CPNE5: variants seen among roughly 807,000 people sequenced by gnomAD.
The protein encoded by CPNE5 is copine 5, also known as copine-5.
In CPNE5, 42 loss-of-function variants were observed where a neutral mutation model predicts 81.1. The observed-to-expected ratio is 0.52, with a 90% CI of 0.40 to 0.67. The LOEUF is 0.67. CPNE5 is among the 30% of genes least tolerant of loss of function. The pLI is 0.00. For synonymous variants in CPNE5, 313 were observed against 321.5 expected, an observed-to-expected ratio of 0.97 and a Z score of 0.28; for missense variants, 612 against 815.5, an observed-to-expected ratio of 0.75 and a Z score of 3.04.
Position 36,756,285 on chromosome 6 carries a change from T to C in CPNE5, c.869A>G (p.Lys290Arg). 6.2e-7 allele frequency: 1 copy of C among 1,613,994 alleles called. No homozygotes were observed. Among genetic ancestry groups the C allele is most frequent in the Non-Finnish European group, 8.5e-7 (1 of 1,179,964 alleles). ...QFNIYEVVNP[K>R]KKMKKKKYVN... The stretch of plus-strand genomic sequence containing the variant: ...GTATTTCTTTTTCTTCATTTTCTTT[T>C]TCGGGTTTACCACCTGCAGGAAAAA... The change falls in exon 13 of 21, where the codon AAA becomes AGA. Residue 290 changes from lysine to arginine, a missense_variant. Physicochemically the swap from Lys to Arg is conservative, Grantham distance 26 (BLOSUM62 2). Transcript: ENST00000244751.
At chr6:36,808,910 G>A (rs992202173) in intron 3 of CPNE5, among the ~76,000 whole-genome samples, 6 of 152,138 alleles carry the variant, frequency 3.9e-5, no homozygotes, top group African/African-American at 7.2e-5. Flanking sequence ...CGATAGGAAC[G>A]GGATTCAAAC....
chr6:36,747,017 C>T (rs1160826774), intron 15 of CPNE5, among the ~76,000 whole-genome samples: 2 of 152,166 alleles, frequency 1.3e-5, no homozygotes, highest in African/African-American at 2.4e-5. Flanking sequence ...ACCCTCCTCC[C>T]TGTCACTCGC....
At chr6:36,811,540 ACTTT>A (rs935807713) in intron 3 of CPNE5, among the ~76,000 whole-genome samples, 2 of 152,188 alleles carry the variant, frequency 1.3e-5, no homozygotes, top group Admixed American at 6.5e-5. Context: ...TGGAGTGCAC[ACTTT>A]CAACAGCTCA....
intron 3 of CPNE5, among the ~76,000 whole-genome samples, chr6:36,804,593 C>G (rs1237728054): frequency 6.6e-6 from 1 of 152,154 alleles, no homozygotes; most frequent in Non-Finnish European, 1.5e-5. Context: ...CAGCATCCCT[C>G]TAGCAGGATT....
chr6:36,829,702 A>T (rs1772812513), intron 1 of CPNE5, among the ~76,000 whole-genome samples: 1 of 149,574 alleles, frequency 6.7e-6, no homozygotes, highest in East Asian at 2.0e-4. Flanking sequence ...AGTCCCAGCT[A>T]CTCGGGAGGC....
intron 12 of CPNE5, among the ~76,000 whole-genome samples, chr6:36,758,542 C>T (rs1005484919): frequency 6.6e-6 from 1 of 152,134 alleles, no homozygotes; most frequent in Non-Finnish European, 1.5e-5. Context: ...AGCCACTGCA[C>T]CCAGCCTTAG....
At chr6:36,809,801 C>G (rs554894987) in intron 3 of CPNE5, among the ~76,000 whole-genome samples, 1 of 151,772 alleles carries the variant, frequency 6.6e-6, no homozygotes, top group Non-Finnish European at 1.5e-5. Flanking sequence ...GGGCTCCCAG[C>G]GCTGAGTGGA....
At chr6:36,810,288 A>T (rs1770984494) in intron 3 of CPNE5, among the ~76,000 whole-genome samples, 1 of 152,148 alleles carries the variant, frequency 6.6e-6, no homozygotes, top group Admixed American at 6.5e-5. Flanking sequence ...AGGAGGCTGG[A>T]GCTGACAGAC....
At chr6:36,831,452 C>G (rs1324082757) in intron 1 of CPNE5, among the ~76,000 whole-genome samples, 2 of 152,014 alleles carry the variant, frequency 1.3e-5, no homozygotes, top group Non-Finnish European at 2.9e-5. Context: ...CTCCCAGGTT[C>G]AAGCAATTCA....
chr6:36,825,837 G>A (rs533242110), intron 1 of CPNE5, among the ~76,000 whole-genome samples: 2 of 152,334 alleles, frequency 1.3e-5, no homozygotes, highest in South Asian at 4.1e-4. Context: ...GGCACAGTGA[G>A]GAGCTGAAAG....
intron 12 of CPNE5, chr6:36,757,307 C>T: frequency 1.0e-6 from 1 of 985,416 alleles, no homozygotes; most frequent in Non-Finnish European, 1.2e-6. Context: ...CTGTTGGTTT[C>T]TGGTGAACTC....
At chr6:36,769,733 C>T (rs1228677924) in intron 10 of CPNE5, among the ~76,000 whole-genome samples, 1 of 152,228 alleles carries the variant, frequency 6.6e-6, no homozygotes, top group East Asian at 1.9e-4. Context: ...TGCCTCCCGT[C>T]TGAGCCTCAG....
At chr6:36,773,089 A>G (rs1767181923) in intron 10 of CPNE5, among the ~76,000 whole-genome samples, 1 of 152,056 alleles carries the variant, frequency 6.6e-6, no homozygotes, top group Non-Finnish European at 1.5e-5. Flanking sequence ...TCACTATGTT[A>G]CGCGGGCTGG....
At chr6:36,743,664 G>A (rs373105968) in intron 20 of CPNE5, 25 bp downstream of exon 20, 5 of 1,607,508 alleles carry the variant, frequency 3.1e-6, no homozygotes, top group East Asian at 4.5e-5. Context: ...AATTTCCCAT[G>A]GGGCAGGCAA....
chr6:36,822,250 C>T, intron 2 of CPNE5, 90 bp from the exon 3 acceptor site: 2 of 1,083,154 alleles, frequency 1.8e-6, no homozygotes, highest in Non-Finnish European at 2.6e-6. Flanking sequence ...GGGCAGGCGC[C>T]TCAGCAGACC....
chr6:36,742,310 T>G lies in CPNE5; in HGVS notation c.1740A>C (p.Pro580=). Residue 580 remains proline, a synonymous_variant, in exon 21 of 21, where the codon CCA becomes CCC. Transcript: ENST00000244751. ...AAPTHSPSQS[P]ARTPPASPLH... ...GGGGGGACGCAGGGGGCGTGCGGGC[T>G]GGGGACTGCGAGGGCGAGTGGGTTG... 4 of 1,608,476 alleles carry G rather than the reference T, an allele frequency of 2.5e-6. No homozygotes were observed. The South Asian group carries it at 4.4e-5, about 18-fold the overall frequency.
At position 36,839,338 on chromosome 6, in the gene CPNE5, C is replaced by A. The variant is rs1271803787; in HGVS notation, c.40G>T (p.Asp14Tyr). Reference protein sequence around the residue: ...PEDMASLSEFDSLAGSIPATK... With the variant: ...PEDMASLSEFYSLAGSIPATK... ...GCCGGGATGCTGCCCGCCAAGGAGT[C>A]GAACTCGCTCAGCGACGCCATGTCC... Residue 14 changes from aspartate (D) to tyrosine (Y), a missense_variant, in exon 1 of 21, where the codon GAC becomes TAC. Transcript: ENST00000244751. The surrounding 1 kb of genome is among the most constrained non-coding windows in gnomAD (Gnocchi z 7.3). 2 of 1,553,380 alleles carry A rather than the reference C, an allele frequency of 1.3e-6. No homozygotes were observed. The highest frequency in any genetic ancestry group is 1.7e-6 in the Non-Finnish European group (2 of 1,148,072).
chr6:36,750,481 G>A (rs1485269241), intron 14 of CPNE5, among the ~76,000 whole-genome samples: 1 of 152,196 alleles, frequency 6.6e-6, no homozygotes, highest in African/African-American at 2.4e-5. Flanking sequence ...CCAGGCAGTA[G>A]GATAGAAGGA....
At chr6:36,759,628 G>A (rs2150404467) in intron 12 of CPNE5, among the ~76,000 whole-genome samples, 1 of 152,222 alleles carries the variant, frequency 6.6e-6, no homozygotes, top group Non-Finnish European at 1.5e-5. Flanking sequence ...GCACTGACAA[G>A]TGTCCACTCC....
Sources: allele counts gnomAD v4.1 joint callset (sites outside exome capture counted in the v4.1 genomes callset), GRCh38; gene constraint gnomAD v4.1.1; non-coding constraint Gnocchi (gnomAD v3.1); transcripts MANE v1.5; gene names NCBI Gene and HGNC (gene_info 2026-07-23, HGNC 2026-07-21).